CNOT1: variants seen among roughly 807,000 people sequenced by gnomAD.
The protein encoded by CNOT1 is CCR4-associated factor 1.
CNOT1 carries 15 observed loss-of-function variants against 273.8 expected under a neutral mutation model. The ratio of observed to expected loss-of-function variants is 0.05; its 90% CI spans 0.04 to 0.08. The LOEUF (loss-of-function observed/expected upper bound fraction) is 0.08. Ranked by LOEUF, CNOT1 falls within the 10% of genes least tolerant of loss-of-function variation. The probability of loss-of-function intolerance (pLI) is 1.00; values close to 1 mark genes in which losing one functional copy is unlikely to be tolerated. For synonymous variants in CNOT1, 1,022 were observed against 1,005.5 expected, an observed-to-expected ratio of 1.02 and a Z score of -0.31; for missense variants, 1,644 against 2,912.2, an observed-to-expected ratio of 0.56 and a Z score of 10.02.
chr16:58,558,548 C>T lies in CNOT1; in HGVS notation c.2257G>A (p.Ala753Thr), dbSNP rs1267935014. ...TTGGGGGTTGAAAGGGGTGGAAATGCTTTTGCTGGTGACTGAGGGGTACTG... is the reference window on the plus strand; with the variant it reads ...TTGGGGGTTGAAAGGGGTGGAAATGTTTTTGCTGGTGACTGAGGGGTACTG... ...AFSTPQSPAK[A>T]FPPLSTPNQT... Residue 753 changes from alanine (A) to threonine (T), a missense_variant, in exon 18 of 49, where the codon GCA (alanine) becomes ACA (threonine). Coordinates refer to ENST00000317147, the MANE Select transcript of CNOT1 (RefSeq NM_016284.5). 3 of 1,613,572 alleles carry T rather than the reference C, an allele frequency of 1.9e-6. No homozygotes were observed. The highest frequency in any genetic ancestry group is 2.5e-6 in the Non-Finnish European group (3 of 1,179,800).
chr16:58,612,432 T>G (rs1031930109), intron 1 of CNOT1, among the ~76,000 whole-genome samples: 2 of 152,156 alleles, frequency 1.3e-5, no homozygotes, highest in African/African-American at 2.4e-5. Context: ...ACTCTCTTTC[T>G]GCAATTATGA....
intron 25 of CNOT1, chr16:58,548,781 T>G (rs868681864): frequency 5.4e-6 from 2 of 368,306 alleles, no homozygotes; most frequent in Non-Finnish European, 1.1e-5. Context: ...TCAGTAGAAT[T>G]TGACCTTAAA....
intron 2 of CNOT1, among the ~76,000 whole-genome samples, chr16:58,591,434 T>C (rs1469846396): frequency 6.6e-6 from 1 of 152,198 alleles, no homozygotes; most frequent in East Asian, 1.9e-4. Context: ...GCAATGAATA[T>C]TTTTAAGAGG....
At chr16:58,617,701 G>T (rs1156901072) in intron 1 of CNOT1, among the ~76,000 whole-genome samples, 1 of 152,274 alleles carries the variant, frequency 6.6e-6, no homozygotes, top group East Asian at 1.9e-4. Context: ...GGCCCTCAAT[G>T]TAAACACCTC....
intron 2 of CNOT1, among the ~76,000 whole-genome samples, chr16:58,592,106 A>G (rs1321011608): frequency 6.6e-6 from 1 of 152,132 alleles, no homozygotes; most frequent in Admixed American, 6.6e-5. Context: ...TAATTATTTT[A>G]CTCGTCTCCC....
chr16:58,539,454 G>A (rs1246968300), intron 35 of CNOT1, among the ~76,000 whole-genome samples: 1 of 105,208 alleles, frequency 9.5e-6, no homozygotes, highest in East Asian at 3.5e-4. Flanking sequence ...GACAGAGAGA[G>A]ACCCTGTCTC....
chr16:58,525,144 G>T (rs373434450), intron 46 of CNOT1, 35 bp downstream of exon 46: 4 of 1,599,240 alleles, frequency 2.5e-6, no homozygotes, highest in South Asian at 1.1e-5. Context: ...AAAGCACAGA[G>T]AACTCTACTC....
chr16:58,573,625 C>T (rs939410266), intron 16 of CNOT1, among the ~76,000 whole-genome samples: 4 of 151,552 alleles, frequency 2.6e-5, no homozygotes, highest in Admixed American at 1.3e-4. Context: ...GGACTACAGG[C>T]GCCCGCCACC....
intron 10 of CNOT1, among the ~76,000 whole-genome samples, chr16:58,581,737 C>T (rs1410233148): frequency 6.6e-6 from 1 of 152,076 alleles, no homozygotes; most frequent in Non-Finnish European, 1.5e-5. Flanking sequence ...TCTCAGCTCA[C>T]TGAAACCTCT....
At chr16:58,544,493 T>TA (rs1267952489) in intron 30 of CNOT1, among the ~76,000 whole-genome samples, 1 of 152,034 alleles carries the variant, frequency 6.6e-6, no homozygotes, top group African/African-American at 2.4e-5. Context: ...TTCACAACAC[T>TA]AAGAGTATTC....
At chr16:58,571,249 T>C (rs1377973225) in intron 16 of CNOT1, among the ~76,000 whole-genome samples, 1 of 152,104 alleles carries the variant, frequency 6.6e-6, no homozygotes, top group Non-Finnish European at 1.5e-5. Flanking sequence ...TAAGGGTCAA[T>C]CCATCAGAAA....
At chr16:58,560,779 C>G (rs1217585156) in intron 16 of CNOT1, among the ~76,000 whole-genome samples, 1 of 152,124 alleles carries the variant, frequency 6.6e-6, no homozygotes, top group African/African-American at 2.4e-5. Context: ...AATCCCAGCA[C>G]TTTGGGAGGC....
chr16:58,582,641 A>C, intron 10 of CNOT1, 152 bp downstream of exon 10: 1 of 545,210 alleles, frequency 1.8e-6, no homozygotes, highest in South Asian at 2.6e-5. Flanking sequence ...AAAAAATTTA[A>C]ATTTGGTTAC....
At chr16:58,577,992 G>C (rs2041519836) in intron 13 of CNOT1, among the ~76,000 whole-genome samples, 2 of 152,174 alleles carry the variant, frequency 1.3e-5, no homozygotes, top group African/African-American at 4.8e-5. Flanking sequence ...GTAAATGTTG[G>C]ATTTAGATAA....
intron 10 of CNOT1, among the ~76,000 whole-genome samples, chr16:58,582,454 A>T (rs938654905): frequency 3.9e-5 from 6 of 152,214 alleles, no homozygotes; most frequent in African/African-American, 1.2e-4. Context: ...AATAGAGTTC[A>T]ATTCCTTTAT....
At chr16:58,598,764 T>C (rs950930392) in intron 2 of CNOT1, among the ~76,000 whole-genome samples, 3 of 151,698 alleles carry the variant, frequency 2.0e-5, no homozygotes, top group African/African-American at 7.3e-5. Flanking sequence ...GAAAAATCTT[T>C]TTAAAAAAAA....
intron 1 of CNOT1, among the ~76,000 whole-genome samples, chr16:58,614,091 C>CAAAAAA (rs377347672): frequency 1.9e-5 from 1 of 51,956 alleles, no homozygotes. Flanking sequence ...GACACTGTCT[C>CAAAAAA]AAAAAAAAAA....
intron 4 of CNOT1, 95 bp from the exon 5 acceptor site, chr16:58,587,508 G>C (rs1400464933): frequency 6.5e-7 from 1 of 1,528,370 alleles, no homozygotes; most frequent in Non-Finnish European, 8.9e-7. Context: ...CACTACATAG[G>C]AGTTGCTTAA....
chr16:58,574,620 T>C lies in CNOT1; in HGVS notation c.1968A>G (p.Gln656=). The part of the protein sequence containing the change: ...ETLATMLACL[Q]ACAGSVSQEL... ...TATGTACTTCTTACCCTGCACAAGC[T>C]TGCAGACAGGCCAACATTGTCGCCA... Residue 656 remains glutamine, a synonymous_variant, in exon 16 of 49, where the codon CAA becomes CAG. Transcript: ENST00000317147. 3.8e-6 allele frequency: 6 copies of C among 1,589,604 alleles called. No individual in the cohort carries two copies. The highest frequency in any genetic ancestry group is 2.2e-5 in the East Asian group (1 of 44,746).
Sources: gnomAD v4.1 joint callset for allele counts (sites outside exome capture counted in the v4.1 genomes callset) on GRCh38, gnomAD v4.1.1 for gene constraint, MANE v1.5 for transcripts, NCBI Gene and HGNC (gene_info 2026-07-23, HGNC 2026-07-21) for gene names.